ARID3C: variants seen among roughly 807,000 people sequenced by gnomAD.
ARID3C encodes AT-rich interactive domain-containing protein 3C.
A neutral mutation model predicts 37.9 loss-of-function variants in ARID3C; 42 were observed. The observed-to-expected ratio is 1.11, with a 90% confidence interval of 0.87 to 1.43. ARID3C has a LOEUF of 1.43. Ranked by LOEUF, ARID3C falls within the 40% of genes most tolerant of loss-of-function variation. The pLI, the probability that ARID3C is intolerant of heterozygous loss-of-function variation, is 0.00. For missense variants in ARID3C, 581 were observed against 548.8 expected, an observed-to-expected ratio of 1.06 and a Z score of -0.59; for synonymous variants, 213 against 228.0, an observed-to-expected ratio of 0.93 and a Z score of 0.59.
At chr9:34,628,107 G>C, upstream of ARID3C, 1 of 1,424,620 alleles carries the variant, frequency 7.0e-7, no homozygotes, top group South Asian at 1.5e-5. The surrounding 1 kb of genome is among the most constrained non-coding windows in gnomAD (Gnocchi z 5.2). Flanking sequence ...GGGAATTATG[G>C]GTGCTGGGCC....
At chr9:34,621,656 C>T in intron 6 of ARID3C, 98 bp from the exon 8 acceptor site, 1 of 894,136 alleles carries the variant, frequency 1.1e-6, no homozygotes, top group Non-Finnish European at 1.7e-6. Context: ...GTTCTGGTTG[C>T]TAGAACACTA....
upstream of ARID3C, among the ~76,000 whole-genome samples, chr9:34,629,554 G>A (rs73499097): frequency 1.6e-4 from 24 of 152,140 alleles, no homozygotes; most frequent in Non-Finnish European, 3.4e-4. Context: ...CCCTGCCTAC[G>A]TGCTGTCCCC....
chr9:34,629,043 G>C (rs960290430), upstream of ARID3C, among the ~76,000 whole-genome samples: 1 of 152,006 alleles, frequency 6.6e-6, no homozygotes, highest in Non-Finnish European at 1.5e-5. Context: ...CTCCTCTGGC[G>C]GCTGTGCGCT....
intron 1 of ARID3C, 31 bp from the exon 3 acceptor site, chr9:34,625,845 C>T (rs760888238): frequency 3.7e-6 from 6 of 1,612,184 alleles, no homozygotes; most frequent in Non-Finnish European, 5.1e-6. Flanking sequence ...TTCTACAGCT[C>T]TGCTGACTCC....
exon 1 of ARID3C, chr9:34,627,998 T>C: frequency 2.7e-6 from 4 of 1,506,116 alleles, no homozygotes; most frequent in Non-Finnish European, 3.6e-6. Context: ...TGCCTGCTGC[T>C]TCTGCAGGGC....
upstream of ARID3C, among the ~76,000 whole-genome samples, chr9:34,630,298 G>C (rs999378516): frequency 6.6e-6 from 1 of 152,094 alleles, no homozygotes; most frequent in Non-Finnish European, 1.5e-5. Flanking sequence ...GGGGTTCTGA[G>C]TGGCAGGCCT....
upstream of ARID3C, among the ~76,000 whole-genome samples, chr9:34,631,085 G>A (rs1024094240): frequency 2.0e-5 from 3 of 152,182 alleles, no homozygotes; most frequent in African/African-American, 7.2e-5. Flanking sequence ...CAGAACCCTT[G>A]TGCCCTGCTT....
At chr9:34,621,295 G>C (rs1366298971), downstream of ARID3C, 1 of 517,018 alleles carries the variant, frequency 1.9e-6, no homozygotes, top group Non-Finnish European at 3.3e-6. Flanking sequence ...AATGAGGTAG[G>C]TGTAACATCA....
At position 34,624,084 on chromosome 9, in the gene ARID3C, G is replaced by A. The variant is rs201061452; in HGVS notation, c.392-37C>T. ...CGGGCTGCCGTCAGGACACTGAGAC[G>A]AAGACCCTGTCTGCAGCATCCCCAG... is the stretch of plus-strand genomic sequence containing the variant. On this transcript the variant is annotated intron_variant, in intron 2 of 6. Transcript: ENST00000378909. 1.5e-5 allele frequency: 23 copies of A among 1,538,816 alleles called. No homozygotes were observed. In the East Asian group the frequency reaches 5.0e-4, roughly 33 times the overall value.
chr9:34,622,440 G>C (rs368315184), exon 5 of ARID3C: 38 of 1,613,994 alleles, frequency 2.4e-5, no homozygotes, highest in Non-Finnish European at 3.1e-5. Flanking sequence ...CTCTTCTCTG[G>C]GGGCTCCTCT....
chr9:34,623,888 G>A, exon 3 of ARID3C: 1 of 1,599,530 alleles, frequency 6.3e-7, no homozygotes, highest in Non-Finnish European at 8.5e-7. Flanking sequence ...GAAGGCGGCC[G>A]AGGTGATGGT....
In ARID3C at chr9:34,627,783, G is replaced by A. The variant is rs370789342; in HGVS notation, c.232C>T (p.Pro78Ser). The A allele has an allele frequency of 2.3e-5, 37 of 1,613,976 alleles. No individual in the cohort carries two copies. The highest frequency in any genetic ancestry group is 2.9e-5 in the Non-Finnish European group (34 of 1,179,974). Reference sequence around the variant, plus strand: ...GGCGAGCTGGGGCCCTGGGCCCCTGGACGGCTCTCCTCAGCTGCCTCCTCC... The same window carrying A: ...GGCGAGCTGGGGCCCTGGGCCCCTGAACGGCTCTCCTCAGCTGCCTCCTCC... Residue 78 changes from proline to serine, a missense_variant, in exon 1 of 7, where the codon CCA becomes TCA. Pro to Ser is a moderately conservative substitution (Grantham distance 74). Transcript: ENST00000378909.
At chr9:34,628,186 A>G, upstream of ARID3C, 2 of 866,976 alleles carry the variant, frequency 2.3e-6, no homozygotes, top group Non-Finnish European at 3.3e-6. This position sits in a 1 kb window ranked among gnomAD's most constrained non-coding sequence, Gnocchi z 5.2. Context: ...AGGGGTCACA[A>G]GGAAAGAGGC....
exon 3 of ARID3C, chr9:34,623,928 C>G (rs1820618232): frequency 6.2e-7 from 1 of 1,604,452 alleles, no homozygotes; most frequent in Non-Finnish European, 8.5e-7. Context: ...CGCGTGACTT[C>G]CCGCCACACT....
exon 1 of ARID3C, chr9:34,627,839 T>A: frequency 6.2e-7 from 1 of 1,608,482 alleles, no homozygotes; most frequent in East Asian, 2.2e-5. Flanking sequence ...CTTCTCCTCA[T>A]CTTCTTCAGC....
At position 34,622,490 on chromosome 9, in the gene ARID3C, ACAGGCAGTGC is replaced by A. The variant is rs1820589103; in HGVS notation, c.895_904del (p.Ala299TrpfsTer24). ...CCGTGTAGGTCCCAGTGCCAGGCCC[ACAGGCAGTGC>A]CAGACAAGGGTTTGGAATTCCACTC... is the stretch of plus-strand genomic sequence containing the variant. On this transcript the variant is annotated frameshift_variant, in exon 5 of 7. Transcript: ENST00000378909. LOFTEE classifies it high-confidence loss of function. 7 of 1,612,636 alleles carry A rather than the reference ACAGGCAGTGC, an allele frequency of 4.3e-6. No homozygotes were observed. The highest frequency in any genetic ancestry group is 5.9e-6 in the Non-Finnish European group (7 of 1,179,498).
chr9:34,622,842 T>A (rs1325412492), intron 4 of ARID3C, among the ~76,000 whole-genome samples: 1 of 152,128 alleles, frequency 6.6e-6, no homozygotes, highest in Non-Finnish European at 1.5e-5. Context: ...GGAATGGAGT[T>A]GCTGTGATTA....
At chr9:34,628,695 A>C (rs1461886542), upstream of ARID3C, among the ~76,000 whole-genome samples, 1 of 152,184 alleles carries the variant, frequency 6.6e-6, no homozygotes, top group Admixed American at 6.5e-5. The surrounding 1 kb of genome is among the most constrained non-coding windows in gnomAD (Gnocchi z 5.2). Flanking sequence ...GGAAACGGAC[A>C]GAAGAGAGAG....
upstream of ARID3C, among the ~76,000 whole-genome samples, chr9:34,629,743 CTTTT>C (rs1334313393): frequency 6.6e-6 from 1 of 152,096 alleles, no homozygotes; most frequent in Admixed American, 6.5e-5. Context: ...CTTTTCTTTT[CTTTT>C]TCTTTCTTTT....
Sources: gnomAD v4.1 joint callset for allele counts (sites outside exome capture counted in the v4.1 genomes callset) on GRCh38, gnomAD v4.1.1 for gene constraint, Gnocchi (gnomAD v3.1) non-coding constraint, MANE v1.5 for transcripts, NCBI Gene and HGNC (gene_info 2026-07-23, HGNC 2026-07-21) for gene names.